The following DST variants were observed in gnomAD, a reference collection of about 807,000 sequenced individuals.
DST encodes the protein dystonin, also known as bullous pemphigoid antigen.
Under a neutral mutation model 875.2 loss-of-function variants are expected in DST, and 253 were observed. That is an observed-to-expected ratio of 0.29 (90% CI 0.26 to 0.32). The LOEUF (loss-of-function observed/expected upper bound fraction) is 0.32. Among genes scored for constraint, DST ranks in the 10% least tolerant of loss-of-function variants. The pLI is 1.00. For synonymous variants in DST, 3,124 were observed against 3,197.1 expected, an observed-to-expected ratio of 0.98 and a Z score of 0.77; for missense variants, 8,287 against 9,111.6, an observed-to-expected ratio of 0.91 and a Z score of 3.68.
At chr6:56,903,933 C>T (rs1795236258) in intron 2 of DST, among the ~76,000 whole-genome samples, 1 of 152,204 alleles carries the variant, frequency 6.6e-6, no homozygotes, top group Non-Finnish European at 1.5e-5. Flanking sequence ...ACAGACTCTG[C>T]AGCCACTATC....
At chr6:56,672,061 A>G (rs1211143144) in intron 9 of DST, among the ~76,000 whole-genome samples, 4 of 152,218 alleles carry the variant, frequency 2.6e-5, no homozygotes, top group Non-Finnish European at 5.9e-5. Context: ...AGCAACTGAA[A>G]GTAGAGAATT....
intron 17 of DST, 131 bp from the exon 18 acceptor site, chr6:56,640,736 G>A (rs923336277): frequency 1.3e-6 from 1 of 749,940 alleles, no homozygotes; most frequent in Admixed American, 2.0e-5. Context: ...TAGCAAATGT[G>A]CCACACTAAT....
At chr6:56,953,712 C>T in intron 2 of DST, 73 bp downstream of exon 2, 5 of 1,100,832 alleles carry the variant, frequency 4.5e-6, no homozygotes, top group Non-Finnish European at 6.1e-6. Flanking sequence ...TTTCTTAACA[C>T]GCATATAATT....
chr6:56,810,801 TAAG>T (rs1005044711), intron 4 of DST, among the ~76,000 whole-genome samples: 2 of 151,904 alleles, frequency 1.3e-5, no homozygotes, highest in Non-Finnish European at 2.9e-5. Context: ...TCATCTTCAT[TAAG>T]AAGAACAAGA....
At chr6:56,911,737 A>G (rs997286262) in intron 2 of DST, among the ~76,000 whole-genome samples, 1 of 152,240 alleles carries the variant, frequency 6.6e-6, no homozygotes, top group Non-Finnish European at 1.5e-5. Context: ...AAAAGACTAA[A>G]CAAAGACTAC....
At chr6:56,593,202 A>G (rs986953847) in intron 48 of DST, among the ~76,000 whole-genome samples, 2 of 152,162 alleles carry the variant, frequency 1.3e-5, no homozygotes, top group Non-Finnish European at 2.9e-5. Context: ...TACATTGTTC[A>G]GAAGTAAAGC....
chr6:56,629,606 T>C (rs371259511), intron 31 of DST, among the ~76,000 whole-genome samples, 163 bp from the exon 32 acceptor site: 3 of 152,224 alleles, frequency 2.0e-5, no homozygotes, highest in East Asian at 3.8e-4. Context: ...TCAAACCTTA[T>C]GAAATTTTCA....
intron 74 of DST, 71 bp downstream of exon 74, chr6:56,509,571 T>C (rs954897890): frequency 1.3e-5 from 15 of 1,182,744 alleles, no homozygotes; most frequent in South Asian, 7.3e-5. Flanking sequence ...TGTTATCCAA[T>C]TGGACGGTGA....
At chr6:56,694,648 C>A (rs998672161) in intron 9 of DST, among the ~76,000 whole-genome samples, 1 of 152,114 alleles carries the variant, frequency 6.6e-6, no homozygotes, top group Admixed American at 6.5e-5. Context: ...TCTGCACTCC[C>A]CCAATCCTTC....
intron 3 of DST, among the ~76,000 whole-genome samples, chr6:56,898,196 A>T (rs142442093): frequency 1.4e-4 from 21 of 152,312 alleles, no homozygotes; most frequent in South Asian, 2.1e-4. Flanking sequence ...CCTAGTGCTG[A>T]GAATCAAAAC....
intron 86 of DST, among the ~76,000 whole-genome samples, chr6:56,489,228 G>C (rs1321098600): frequency 6.6e-6 from 1 of 152,164 alleles, no homozygotes; most frequent in Non-Finnish European, 1.5e-5. Flanking sequence ...ATATGTTTTA[G>C]ATTGTAGAGG....
At chr6:56,618,372 C>A (rs1395989918) in intron 36 of DST, 1 of 1,614,010 alleles carries the variant, frequency 6.2e-7, no homozygotes, top group Non-Finnish European at 8.5e-7. Context: ...TGCTGGCACT[C>A]CTTCACTGTC....
chr6:56,625,252 G>C lies in DST; in HGVS notation c.4735C>G (p.Gln1579Glu). 1 of 1,609,614 alleles carries C rather than the reference G, an allele frequency of 6.2e-7. No individual in the cohort carries two copies. The change falls in exon 35 of 104, where the codon CAA (glutamine) becomes GAA (glutamate). Residue 1579 changes from glutamine to glutamate, a missense_variant. By Grantham distance (29) the Gln-to-Glu change is conservative. Coordinates refer to ENST00000680361, the MANE Select transcript of DST (RefSeq NM_001374736.1). ...ACCATGGCCCGGTAGGTCATTGTTT[G>C]TAATTCATAGTCCTGTATAAAGGAG... ...YSATVKDYELQTMTYRAMVDS... is the reference protein window; with the variant it reads ...YSATVKDYELETMTYRAMVDS...
At position 56,612,965 on chromosome 6, in the gene DST, G is replaced by T. The variant is rs531882306; in HGVS notation, c.5059-1369C>A. 8.1e-4 allele frequency among the ~76,000 whole-genome samples: 123 copies of T among 152,124 alleles called. 1 individual carries two copies. The highest frequency in any genetic ancestry group is 2.9e-3 in the Admixed American group (44 of 15,274). On this transcript the variant is annotated intron_variant, in intron 37 of 103. Transcript: ENST00000680361. ...GATCACTTGAGCTTGGGAGGTTGCG[G>T]CTCCAGTGAGCTGTGATCATGCCAC...
chr6:56,606,387 T>C lies in DST; in HGVS notation c.8241A>G (p.Val2747=), dbSNP rs780774868. The change falls in exon 40 of 104, where the codon GTA becomes GTG. Residue 2747 remains valine (V), a synonymous_variant. Transcript: ENST00000680361. The part of the protein sequence containing the change: ...ESDSLTDYDI[V]GGKESFTASL... ...ATGCAGTGAAGCTCTCTTTTCCTCC[T>C]ACAATATCATAATCAGTCAATGAGT... 1 of 1,613,402 alleles carries C rather than the reference T, an allele frequency of 6.2e-7. No individual in the cohort carries two copies. Among genetic ancestry groups the C allele is most frequent in the Non-Finnish European group, 8.5e-7 (1 of 1,179,582 alleles).
chr6:56,530,330 T>C (rs879607088), intron 64 of DST, among the ~76,000 whole-genome samples, 197 bp from the exon 65 acceptor site: 1 of 152,186 alleles, frequency 6.6e-6, no homozygotes, highest in Non-Finnish European at 1.5e-5. Context: ...GAACAACAGA[T>C]CATCCTCAAG....
chr6:56,557,392 T>C lies in DST; in HGVS notation c.14567A>G (p.Glu4856Gly). The change falls in exon 59 of 104, where the codon GAA becomes GGA. Residue 4856 changes from glutamate to glycine, a missense_variant. This residue lies in a region of DST where 1,513 missense variants were observed against 1,677.8 expected (regional missense o/e 0.90). Coordinates refer to ENST00000680361, the MANE Select transcript of DST (RefSeq NM_001374736.1). ...GGGCCCAAGAACACTGACCATAAGT[T>C]CTTTTTCCACAAGCCACTGTTTCAA... Reference protein sequence around the residue: ...AQLKQWLVEKELMVSVLGPLS... With the variant: ...AQLKQWLVEKGLMVSVLGPLS... 1.2e-6 allele frequency: 2 copies of C among 1,613,788 alleles called. No homozygotes were observed. Among genetic ancestry groups the C allele is most frequent in the Non-Finnish European group, 1.7e-6 (2 of 1,179,726 alleles).
At chr6:56,898,985 C>T (rs1170956801) in intron 3 of DST, among the ~76,000 whole-genome samples, 1 of 152,174 alleles carries the variant, frequency 6.6e-6, no homozygotes, top group Non-Finnish European at 1.5e-5. Context: ...GGTAGAGGTA[C>T]ATGCTTGGGT....
intron 10 of DST, among the ~76,000 whole-genome samples, chr6:56,654,224 ATAATGT>A (rs1480868536): frequency 1.3e-5 from 2 of 152,260 alleles, no homozygotes; most frequent in East Asian, 3.9e-4. Context: ...TTATTCTATG[ATAATGT>A]TAATGTTTCA....
Sources: gnomAD v4.1 joint callset for allele counts (sites outside exome capture counted in the v4.1 genomes callset) on GRCh38, gnomAD v4.1.1 for gene constraint, gnomAD v4.1.1 regional missense constraint, MANE v1.5 for transcripts, NCBI Gene and HGNC (gene_info 2026-07-23, HGNC 2026-07-21) for gene names.